The following LY9 variants were observed in gnomAD, a reference collection of about 807,000 sequenced individuals.
LY9 encodes lymphocyte antigen 9, also known as T-lymphocyte surface antigen Ly-9.
LY9 carries 59 observed loss-of-function variants against 64.6 expected under a neutral mutation model. The observed-to-expected ratio is 0.91, with a 90% CI of 0.74 to 1.13. The LOEUF is 1.13. LY9 is among the 50% of genes most tolerant of loss of function. LY9 has a pLI of 0.00. For missense variants in LY9, 789 were observed against 797.2 expected (o/e 0.99, Z 0.12); for synonymous variants, 281 against 308.5 (o/e 0.91, Z 0.93).
chr1:160,818,088 G>A, intron 5 of LY9, 130 bp from the exon 6 acceptor site: 1 of 658,962 alleles, frequency 1.5e-6, no homozygotes, highest in Non-Finnish European at 2.7e-6. Flanking sequence ...TAGAATGAAT[G>A]AAAAGAAAGA....
chr1:160,813,296 A>G (rs1290133372), intron 2 of LY9: 2 of 297,532 alleles, frequency 6.7e-6, no homozygotes, highest in African/African-American at 2.1e-5. Flanking sequence ...CTATTTATTC[A>G]TTGAACATTC....
At chr1:160,822,761 G>A (rs1264600287) in intron 7 of LY9, among the ~76,000 whole-genome samples, 1 of 152,126 alleles carries the variant, frequency 6.6e-6, no homozygotes, top group East Asian at 1.9e-4. Context: ...GGCCACACCG[G>A]CCCTCACAGC....
At position 160,816,803 on chromosome 1, in the gene LY9, A is replaced by T; in HGVS notation, c.1282A>T (p.Thr428Ser). 6.2e-7 allele frequency: 1 copy of T among 1,614,252 alleles called. No individual in the cohort carries two copies. The highest frequency in any genetic ancestry group is 8.5e-7 in the Non-Finnish European group (1 of 1,180,052). The change falls in exon 5 of 10, where the codon ACA becomes TCA. Residue 428 changes from threonine to serine, a missense_variant. Transcript: ENST00000263285. Reference protein sequence around the residue: ...SSENHPNLTCTASNPVSRSSH... With the variant: ...SSENHPNLTCSASNPVSRSSH... ...TGAAAATCACCCCAACCTCACATGC[A>T]CAGCCAGCAACCCTGTCAGCAGGAG...
chr1:160,805,872 C>T (rs1666942959), intron 2 of LY9, among the ~76,000 whole-genome samples: 1 of 148,992 alleles, frequency 6.7e-6, no homozygotes, highest in South Asian at 2.1e-4. Context: ...TTGTTATATC[C>T]TCTTGCTGGA....
chr1:160,803,823 C>T (rs1666728790), intron 2 of LY9, among the ~76,000 whole-genome samples: 2 of 152,168 alleles, frequency 1.3e-5, no homozygotes, highest in South Asian at 2.1e-4. Context: ...GCCTGAGCAA[C>T]ATGGCAAAAC....
chr1:160,815,339 T>TA (rs79618555), intron 4 of LY9: 32,177 of 151,876 alleles, frequency 0.21, 3,912 homozygotes, highest in Admixed American at 0.34. Flanking sequence ...AGACTCCGTC[T>TA]AAAAAAAACA....
At position 160,798,397 on chromosome 1, in the gene LY9, G is replaced by T. The variant is rs780399226; in HGVS notation, c.125-1356G>T. 2.0e-5 allele frequency among the ~76,000 whole-genome samples: 3 copies of T among 152,112 alleles called. No individual in the cohort carries two copies. The South Asian group carries it at 6.2e-4, about 32-fold the overall frequency. On this transcript the variant is annotated intron_variant, in intron 1 of 9. Transcript: ENST00000263285. ...AATTTCAGCTCCTCATCTGTAAAAA[G>T]GGGCTAATTATAGTATAGTTATGAG...
intron 2 of LY9, among the ~76,000 whole-genome samples, chr1:160,800,778 T>C (rs745409714): frequency 1.3e-5 from 2 of 152,218 alleles, no homozygotes. Context: ...CTTCCACTTA[T>C]AGGTGAGAAC....
chr1:160,820,318 A>G (rs1261415752), intron 7 of LY9, among the ~76,000 whole-genome samples: 2 of 152,156 alleles, frequency 1.3e-5, no homozygotes, highest in East Asian at 1.9e-4. Flanking sequence ...CCCCACTCCC[A>G]TGCCACAGTG....
Position 160,800,052 on chromosome 1 carries a change from A to G in LY9, c.424A>G (p.Thr142Ala), listed in dbSNP as rs778601544. 1.2e-6 allele frequency: 2 copies of G among 1,613,952 alleles called. No homozygotes were observed. The highest frequency in any genetic ancestry group is 3.3e-5 in the Admixed American group (2 of 60,014). ...QINQRNFEVT[T>A]EEEFTLFVYE... ...AAACCAAAGGAATTTTGAAGTCACC[A>G]CTGAGGAGGAATTCACCCTGTTCGT... The change falls in exon 2 of 10, where the codon ACT becomes GCT. Residue 142 changes from threonine to alanine, a missense_variant. Transcript: ENST00000263285.
intron 2 of LY9, 69 bp downstream of exon 2, chr1:160,800,151 T>C: frequency 8.1e-7 from 1 of 1,237,102 alleles, no homozygotes; most frequent in Non-Finnish European, 1.1e-6. Flanking sequence ...ATGGGGTATG[T>C]GTGAAATTTT....
chr1:160,820,681 A>G (rs1329247031), intron 7 of LY9, among the ~76,000 whole-genome samples: 1 of 151,988 alleles, frequency 6.6e-6, no homozygotes. Flanking sequence ...GAGGGTAAAG[A>G]GATGTTGGGG....
rs150060942 is a variant in LY9, at chr1:160,824,701, C to T, written c.1899+452C>T. ...TTCTAGTGTTTAAAAAAATCCCAGCCGGGCGCGGTGGCTCATACCTGTAAT... is the reference window on the plus strand; with the variant it reads ...TTCTAGTGTTTAAAAAAATCCCAGCTGGGCGCGGTGGCTCATACCTGTAAT... On this transcript the variant is annotated intron_variant, in intron 9 of 9. Coordinates refer to ENST00000263285, the MANE Select transcript of LY9 (RefSeq NM_002348.4). 1,433 of 976,394 alleles carry T rather than the reference C, an allele frequency of 1.5e-3. 22 individuals carry two copies. In the African/African-American group the frequency reaches 0.022, roughly 15 times the overall value. The allele number at this position is 976,394 out of a possible 1,614,324, so 60.5% of individuals were successfully genotyped here. A position where few individuals can be genotyped will look rare whatever the true frequency, so the allele number is the denominator to read the frequency against.
In LY9 at chr1:160,814,590, CCA is replaced by C; in HGVS notation, c.903_904del (p.Leu302HisfsTer2). Reference protein sequence around the residue: ...KEREEAATADPLIKSRDPYKN... With the variant: ...KEREEAATADXLIKSRDPYKN... ...GAGGGAAGAAGCAGCAACGGCAGAT[CCA>C]CTCATTAAATCCAGGGATCCTTACA... is the stretch of plus-strand genomic sequence containing the variant. On this transcript the variant is annotated frameshift_variant, in exon 4 of 10. Transcript: ENST00000263285. LOFTEE classifies it high-confidence loss of function. 1 of 1,614,152 alleles carries C rather than the reference CCA, an allele frequency of 6.2e-7. No individual in the cohort carries two copies. The highest frequency in any genetic ancestry group is 8.5e-7 in the Non-Finnish European group (1 of 1,180,028).
In LY9 at chr1:160,824,170, G is replaced by T. The variant is rs1331401772; in HGVS notation, c.1831-11G>T. The T allele has an allele frequency of 6.2e-7, 1 of 1,614,028 alleles. No homozygotes were observed. Among genetic ancestry groups the T allele is most frequent in the Admixed American group, 1.7e-5 (1 of 60,010 alleles). ...GGTCACTAGGGCTCATCTGCTGTTGGTGTGTTACAGGGAAAGACCCCAGTT... is the reference window on the plus strand; with the variant it reads ...GGTCACTAGGGCTCATCTGCTGTTGTTGTGTTACAGGGAAAGACCCCAGTT... On this transcript the variant is annotated splice_polypyrimidine_tract_variant and intron_variant, in intron 8 of 9. Transcript: ENST00000263285.
At chr1:160,800,644 A>G (rs1666367709) in intron 2 of LY9, among the ~76,000 whole-genome samples, 1 of 152,020 alleles carries the variant, frequency 6.6e-6, no homozygotes, top group African/African-American at 2.4e-5. Context: ...TGCACCCATC[A>G]CCCAAAGAGT....
intron 2 of LY9, among the ~76,000 whole-genome samples, chr1:160,808,945 A>G (rs1242170657): frequency 6.6e-6 from 1 of 152,202 alleles, no homozygotes; most frequent in Non-Finnish European, 1.5e-5. Flanking sequence ...CAAAATTAGA[A>G]GACACACCCG....
At position 160,823,784 on chromosome 1, in the gene LY9, G is replaced by A. The variant is rs1668666717; in HGVS notation, c.1818G>A (p.Val606=). ...VVGENTMYAQ[V]FNLQGKTPVS... is the part of the protein sequence containing the mutation. Reference sequence around the variant, plus strand: ...GAGAGAACACCATGTATGCACAAGTGTTCAACTTACAGGTGAGCCCTTCTG... The same window carrying A: ...GAGAGAACACCATGTATGCACAAGTATTCAACTTACAGGTGAGCCCTTCTG... Residue 606 remains valine, a synonymous_variant, in exon 8 of 10, where the codon GTG becomes GTA. Transcript: ENST00000263285. The A allele has an allele frequency of 1.2e-6, 2 of 1,611,628 alleles. No homozygotes were observed. The highest frequency in any genetic ancestry group is 1.7e-6 in the Non-Finnish European group (2 of 1,178,046).
At position 160,812,608 on chromosome 1, in the gene LY9, A is replaced by C. The variant is rs566567670; in HGVS notation, c.455-1028A>C. On this transcript the variant is annotated intron_variant, in intron 2 of 9. Transcript: ENST00000263285. The stretch of plus-strand genomic sequence containing the variant: ...GTTCAAAACAGTGTGTAAAGTATGC[A>C]TATATCTGTCTATATCTAGAATACC... The C allele has an allele frequency of 3.3e-5, 5 of 152,352 alleles. No individual in the cohort carries two copies. The South Asian group carries it at 8.3e-4, about 25-fold the overall frequency. 9.4% of individuals were successfully genotyped at this position (152,352 alleles called of 1,614,324 possible).
Sources: allele counts gnomAD v4.1 joint callset (sites outside exome capture counted in the v4.1 genomes callset), GRCh38; gene constraint gnomAD v4.1.1; transcripts MANE v1.5; gene names NCBI Gene and HGNC (gene_info 2026-07-23, HGNC 2026-07-21).